Variants in BCAT1 observed in about 807,000 individuals in gnomAD.
BCAT1 encodes the protein branched chain amino acid transaminase 1, also known as branched-chain-amino-acid aminotransferase, cytosolic.
BCAT1 carries 48 observed loss-of-function variants against 52.4 expected under a neutral mutation model. The ratio of observed to expected loss-of-function variants is 0.92; its 90% CI spans 0.73 to 1.16. The LOEUF (loss-of-function observed/expected upper bound fraction) is 1.16, where lower values mean the gene tolerates loss of function less well. Among genes scored for constraint, BCAT1 ranks in the 50% most tolerant of loss-of-function variants. BCAT1 has a pLI of 0.00. For missense variants in BCAT1, 451 were observed against 457.1 expected, an observed-to-expected ratio of 0.99 and a Z score of 0.12; for synonymous variants, 167 against 161.3, an observed-to-expected ratio of 1.04 and a Z score of -0.27.
chr12:24,899,348 T>C (rs945136111), intron 2 of BCAT1, among the ~76,000 whole-genome samples: 1 of 152,102 alleles, frequency 6.6e-6, no homozygotes, highest in Non-Finnish European at 1.5e-5. Context: ...CAACCACAGT[T>C]AGAATGGTTA....
rs1037654878 is a variant in BCAT1 at position 24,836,742 on chromosome 12, C to T, written c.818-146G>A. 6.6e-5 allele frequency: 37 copies of T among 556,702 alleles called. No homozygotes were observed. The East Asian group carries it at 1.1e-3, about 17-fold the overall frequency. 34.5% of individuals were successfully genotyped at this position (556,702 alleles called of 1,614,324 possible). On this transcript the variant is annotated intron_variant, in intron 7 of 10. Coordinates refer to ENST00000261192, the MANE Select transcript of BCAT1 (RefSeq NM_005504.7). ...TACTGTTCTGCATGATCAAATTTCC[C>T]AAATCAGTTCACACTTCAGGTAGAC...
chr12:24,855,304 G>GT (rs200342225), intron 5 of BCAT1, among the ~76,000 whole-genome samples: 5,909 of 136,956 alleles, frequency 0.043, 392 homozygotes, highest in African/African-American at 0.15. Flanking sequence ...CGCAGGAGCA[G>GT]TTAAAAAAAA....
At chr12:24,888,707 A>G (rs964068897) in intron 3 of BCAT1, among the ~76,000 whole-genome samples, 1 of 152,198 alleles carries the variant, frequency 6.6e-6, no homozygotes, top group Admixed American at 6.5e-5. Flanking sequence ...CACACTTCCT[A>G]GATTCCTATG....
At chr12:24,887,078 A>ATATATAT (rs1337074950) in intron 3 of BCAT1, among the ~76,000 whole-genome samples, 1 of 79,236 alleles carries the variant, frequency 1.3e-5, no homozygotes, top group African/African-American at 4.8e-5. Context: ...AAAAAAAAAA[A>ATATATAT]AAATATATAT....
chr12:24,871,138 A>ATGCCAAC (rs1565474474), intron 5 of BCAT1, among the ~76,000 whole-genome samples: 2 of 151,970 alleles, frequency 1.3e-5, no homozygotes, highest in Non-Finnish European at 2.9e-5. Context: ...AACAGATCAA[A>ATGCCAAC]TGCCAATTTC....
At chr12:24,861,004 A>G (rs1941835139) in intron 5 of BCAT1, among the ~76,000 whole-genome samples, 2 of 152,262 alleles carry the variant, frequency 1.3e-5, no homozygotes, top group Admixed American at 1.3e-4. Context: ...CAGGCCAAGC[A>G]TAATAAGACT....
intron 1 of BCAT1, among the ~76,000 whole-genome samples, chr12:24,914,264 G>A (rs1188416757): frequency 6.6e-6 from 1 of 151,864 alleles, no homozygotes; most frequent in Non-Finnish European, 1.5e-5. Flanking sequence ...TATATTTTTG[G>A]TAGAGACAGG....
rs1442842485 is a variant in BCAT1, at chr12:24,814,422, A to AT, written c.*3585_*3586insA. 1 of 151,784 alleles carries AT rather than the reference A, an allele frequency of 6.6e-6. No homozygotes were observed. The highest frequency in any genetic ancestry group is 1.5e-5 in the Non-Finnish European group (1 of 67,908). 9.4% of individuals were successfully genotyped at this position (151,784 alleles called of 1,614,324 possible). ...GAAACCAAATATGCAACTTGAAAAA[A>AT]AAAAAGGAAACAGAATATAGTGACT... On this transcript the variant is annotated 3_prime_UTR_variant, in exon 11 of 11. Coordinates refer to ENST00000261192, the MANE Select transcript of BCAT1 (RefSeq NM_005504.7).
chr12:24,884,765 A>AT (rs1942609764), intron 3 of BCAT1, among the ~76,000 whole-genome samples: 1 of 152,186 alleles, frequency 6.6e-6, no homozygotes, highest in Non-Finnish European at 1.5e-5. Context: ...TATCCCAGAA[A>AT]TGGAGATTGG....
At chr12:24,858,044 A>G (rs1458413285) in intron 5 of BCAT1, among the ~76,000 whole-genome samples, 1 of 152,190 alleles carries the variant, frequency 6.6e-6, no homozygotes, top group Admixed American at 6.5e-5. Flanking sequence ...TATAAAAATG[A>G]GATCTGTAAT....
Position 24,816,178 on chromosome 12 carries a change from A to T in BCAT1, c.*1830T>A, listed in dbSNP as rs749568914. ...ATTTTACTATCCCTGTCTATAAAAGACCCTATGGCTAAAAGTTTTGGAAAA... is the reference window on the plus strand; with the variant it reads ...ATTTTACTATCCCTGTCTATAAAAGTCCCTATGGCTAAAAGTTTTGGAAAA... On this transcript the variant is annotated 3_prime_UTR_variant, in exon 11 of 11. Transcript: ENST00000261192. 2 of 234,624 alleles carry T rather than the reference A, an allele frequency of 8.5e-6. No homozygotes were observed. Among genetic ancestry groups the T allele is most frequent in the Middle Eastern group, 2.7e-3 (2 of 744 alleles). The allele number at this position is 234,624 out of a possible 1,614,324, so 14.5% of individuals were successfully genotyped here.
At chr12:24,886,627 C>T (rs1942668465) in intron 3 of BCAT1, among the ~76,000 whole-genome samples, 1 of 152,014 alleles carries the variant, frequency 6.6e-6, no homozygotes, top group African/African-American at 2.4e-5. Flanking sequence ...GACATTTGCT[C>T]AAGAGCCAAG....
At chr12:24,855,025 T>C (rs2139487170) in intron 5 of BCAT1, among the ~76,000 whole-genome samples, 1 of 152,256 alleles carries the variant, frequency 6.6e-6, no homozygotes, top group East Asian at 1.9e-4. Context: ...CTTGAGTTCC[T>C]TCAAGAGAAA....
chr12:24,881,800 G>A (rs919143770), intron 3 of BCAT1, among the ~76,000 whole-genome samples: 3 of 152,136 alleles, frequency 2.0e-5, no homozygotes, highest in Admixed American at 1.3e-4. Context: ...CCCCCAAAGA[G>A]TACCCCCATA....
chr12:24,834,085 CAAAGTGCT>C (rs1940819383), intron 8 of BCAT1: 4 of 938,680 alleles, frequency 4.3e-6, no homozygotes, highest in Middle Eastern at 5.5e-4. Flanking sequence ...CCCAAAGTGC[CAAAGTGCT>C]GGGATTATAG....
At chr12:24,907,150 ATCAGGCCTTC>A (rs1338221220) in intron 1 of BCAT1, among the ~76,000 whole-genome samples, 1 of 152,204 alleles carries the variant, frequency 6.6e-6, no homozygotes, top group East Asian at 1.9e-4. Flanking sequence ...CCTTTCGGAC[ATCAGGCCTTC>A]TCACAGGTGC....
At chr12:24,927,836 G>GT (rs1344235478) in intron 1 of BCAT1, among the ~76,000 whole-genome samples, 2 of 152,128 alleles carry the variant, frequency 1.3e-5, no homozygotes, top group Non-Finnish European at 2.9e-5. Context: ...ACCAGAAATA[G>GT]TTTTATTTTT....
chr12:24,854,452 A>AAAGAAGTTT lies in BCAT1; in HGVS notation c.511-4512_511-4504dup, dbSNP rs576241155. Reference sequence around the variant, plus strand: ...TAAAAAACTACTGCCAGTTGTTTTGAAAGAAGTTTAAATTGTTAAAGGGGA... The same window carrying AAAGAAGTTT: ...TAAAAAACTACTGCCAGTTGTTTTGAAAGAAGTTTAAGAAGTTTAAATTGTTAAAGGGGA... On this transcript the variant is annotated intron_variant, in intron 5 of 10. Transcript: ENST00000261192. Among the ~76,000 whole-genome samples the AAAGAAGTTT allele has an allele frequency of 3.5e-4, 53 of 152,306 alleles. No individual in the cohort carries two copies. In the East Asian group the frequency reaches 6.9e-3, roughly 20 times the overall value.
At chr12:24,909,297 C>T (rs951903134) in intron 1 of BCAT1, among the ~76,000 whole-genome samples, 5 of 152,122 alleles carry the variant, frequency 3.3e-5, no homozygotes, top group African/African-American at 1.2e-4. Flanking sequence ...TCCTACCTGC[C>T]AAACCCTCCC....
Sources: gnomAD v4.1 joint callset for allele counts (sites outside exome capture counted in the v4.1 genomes callset) on GRCh38, gnomAD v4.1.1 for gene constraint, MANE v1.5 for transcripts, NCBI Gene and HGNC (gene_info 2026-07-23, HGNC 2026-07-21) for gene names.